The following SASH1 variants were observed in gnomAD, a reference collection of about 807,000 sequenced individuals.
SASH1 encodes the protein SAM and SH3 domain containing 1, also known as SAM and SH3 domain-containing protein 1.
In SASH1, 44 loss-of-function variants were observed where a neutral mutation model predicts 125.2. The ratio of observed to expected loss-of-function variants is 0.35; its 90% CI spans 0.28 to 0.45. The LOEUF (loss-of-function observed/expected upper bound fraction) is 0.45, where lower values mean the gene tolerates loss of function less well. Ranked by LOEUF, SASH1 falls within the 20% of genes least tolerant of loss-of-function variation. The pLI is 1.00. For missense variants in SASH1, 1,426 were observed against 1,614.5 expected (o/e 0.88, Z 2.00); for synonymous variants, 639 against 649.1 (o/e 0.98, Z 0.24).
rs77638937 is a variant in SASH1 at position 148,322,657 on chromosome 6, G to A, written n.74+50280G>A. Among the ~76,000 whole-genome samples the A allele has an allele frequency of 1.6e-3, 248 of 152,142 alleles. 3 individuals carry two copies. Among genetic ancestry groups the A allele is most frequent in the African/African-American group, 5.7e-3 (235 of 41,512 alleles). On this transcript the variant is annotated intron_variant and non_coding_transcript_variant, in intron 1 of 3. Transcript: ENST00000367469. ...ACTCTTCTCTTGCTTTGGACACTGC[G>A]GATCCCTTACTCCTTGCTGTCATTC...
intron 4 of SASH1, chr6:148,440,671 A>T: frequency 2.1e-6 from 1 of 479,242 alleles, no homozygotes; most frequent in East Asian, 3.4e-5. Context: ...CTCCGGAAAT[A>T]GAAAGGGAAA....
intron 11 of SASH1, among the ~76,000 whole-genome samples, chr6:148,527,021 C>T (rs976106216): frequency 3.9e-5 from 6 of 152,084 alleles, no homozygotes; most frequent in Non-Finnish European, 7.4e-5. Flanking sequence ...TACAGACGCC[C>T]ACCACCACGC....
chr6:148,449,350 G>A (rs1776978787), intron 4 of SASH1, among the ~76,000 whole-genome samples: 1 of 150,618 alleles, frequency 6.6e-6, no homozygotes, highest in Admixed American at 6.6e-5. Flanking sequence ...GATTACAGGT[G>A]TGAGTCACCG....
chr6:148,548,565 C>A lies in SASH1; in HGVS notation c.*7C>A. ...AGGCCCTGAGGCCATGTAGCCAGGCCCGGAATGGGCCTCTCTGGACAAGAG... is the reference window on the plus strand; with the variant it reads ...AGGCCCTGAGGCCATGTAGCCAGGCACGGAATGGGCCTCTCTGGACAAGAG... On this transcript the variant is annotated 3_prime_UTR_variant, in exon 20 of 20. Coordinates refer to ENST00000367467, the MANE Select transcript of SASH1 (RefSeq NM_015278.5). 1.3e-6 allele frequency: 2 copies of A among 1,583,376 alleles called. No homozygotes were observed. The highest frequency in any genetic ancestry group is 1.7e-6 in the Non-Finnish European group (2 of 1,166,496).
intron 1 of SASH1, among the ~76,000 whole-genome samples, chr6:148,318,080 G>A (rs188274302): frequency 4.6e-5 from 7 of 152,254 alleles, no homozygotes. Flanking sequence ...TTGGTCTAAG[G>A]CACTAGTATC....
the SASH1 span, among the ~76,000 whole-genome samples, chr6:148,193,599 G>A: frequency 6.6e-6 from 1 of 152,178 alleles, no homozygotes; most frequent in Admixed American, 6.5e-5. Context: ...TTTTACAAGG[G>A]AAGCTGAGTT....
intron 1 of SASH1, chr6:148,379,977 C>T (rs201719327): frequency 8.1e-5 from 37 of 456,268 alleles, no homozygotes; most frequent in Admixed American, 1.4e-4. Flanking sequence ...AGATGCGGAA[C>T]GTAGGTGCCA....
chr6:148,408,217 C>T (rs1468792352), intron 2 of SASH1, among the ~76,000 whole-genome samples: 1 of 145,554 alleles, frequency 6.9e-6, no homozygotes, highest in Non-Finnish European at 1.5e-5. Context: ...AAGCGATTCT[C>T]CTGCCTCAAC....
intron 8 of SASH1, among the ~76,000 whole-genome samples, chr6:148,494,404 G>A (rs970636743): frequency 1.3e-5 from 2 of 152,172 alleles, no homozygotes; most frequent in African/African-American, 4.8e-5. Flanking sequence ...CAGGATGGAG[G>A]ACCTCTAGGG....
the SASH1 span, among the ~76,000 whole-genome samples, chr6:148,220,591 G>C: frequency 6.6e-6 from 1 of 152,126 alleles, no homozygotes; most frequent in African/African-American, 2.4e-5. Flanking sequence ...GGGAAAACAA[G>C]AGTAAATGGC....
intron 1 of SASH1, among the ~76,000 whole-genome samples, chr6:148,374,345 T>A (rs976696859): frequency 1.3e-5 from 2 of 152,184 alleles, no homozygotes; most frequent in Non-Finnish European, 2.9e-5. Context: ...GTAAAACTGT[T>A]AGCCAAGATG....
At chr6:148,275,663 C>G (rs1280501089) in intron 1 of SASH1, among the ~76,000 whole-genome samples, 1 of 152,196 alleles carries the variant, frequency 6.6e-6, no homozygotes, top group Non-Finnish European at 1.5e-5. Context: ...CCCTCCCTAG[C>G]TCGCTTGCAT....
intron 1 of SASH1, among the ~76,000 whole-genome samples, chr6:148,294,944 A>G (rs961276367): frequency 6.6e-6 from 1 of 152,242 alleles, no homozygotes; most frequent in African/African-American, 2.4e-5. Flanking sequence ...TGGCACAGCC[A>G]TTTTGTGAAA....
intron 1 of SASH1, among the ~76,000 whole-genome samples, chr6:148,326,888 C>G (rs1562326689): frequency 6.6e-6 from 1 of 152,182 alleles, no homozygotes. Flanking sequence ...ATACTCATTA[C>G]TGCTTCCTAC....
chr6:148,282,382 A>ATTTT (rs58971872), intron 1 of SASH1, among the ~76,000 whole-genome samples: 1 of 149,970 alleles, frequency 6.7e-6, no homozygotes, highest in Non-Finnish European at 1.5e-5. Context: ...TGCCCAGGAG[A>ATTTT]TTTTTTTTTT....
Position 148,504,354 on chromosome 6 carries a change from C to G in SASH1, c.730-9970C>G, listed in dbSNP as rs78735949. On this transcript the variant is annotated intron_variant, in intron 8 of 19. Transcript: ENST00000367467. ...AGAGTGGAGCACAATGTACCAGAAACTGAATCTGACCGCACACAGTCACAT... is the reference window on the plus strand; with the variant it reads ...AGAGTGGAGCACAATGTACCAGAAAGTGAATCTGACCGCACACAGTCACAT... 2.2e-3 allele frequency among the ~76,000 whole-genome samples: 329 copies of G among 152,270 alleles called. 2 individuals carry two copies. Among genetic ancestry groups the G allele is most frequent in the African/African-American group, 7.8e-3 (323 of 41,542 alleles).
At chr6:148,547,165 G>A (rs1343977035) in intron 19 of SASH1, among the ~76,000 whole-genome samples, 7 of 152,106 alleles carry the variant, frequency 4.6e-5, no homozygotes, top group Non-Finnish European at 7.4e-5. Context: ...TCTTTGCCAC[G>A]TGCGAATGGC....
At chr6:148,400,507 T>C (rs941229204) in intron 2 of SASH1, among the ~76,000 whole-genome samples, 2 of 152,208 alleles carry the variant, frequency 1.3e-5, no homozygotes, top group Non-Finnish European at 1.5e-5. Context: ...CCCAGCACTT[T>C]GGGAGGCAGA....
chr6:148,330,665 A>G (rs989881577), intron 1 of SASH1, among the ~76,000 whole-genome samples: 1 of 152,046 alleles, frequency 6.6e-6, no homozygotes, highest in Non-Finnish European at 1.5e-5. Context: ...TGCTCACTGC[A>G]ACCTCCACTT....
Sources: allele counts gnomAD v4.1 joint callset (sites outside exome capture counted in the v4.1 genomes callset), GRCh38; gene constraint gnomAD v4.1.1; transcripts MANE v1.5; gene names NCBI Gene and HGNC (gene_info 2026-07-23, HGNC 2026-07-21).